CERS4: variants seen among roughly 807,000 people sequenced by gnomAD.
CERS4 encodes the protein LAG1 homolog, ceramide synthase 4.
CERS4 carries 65 observed loss-of-function variants against 51.8 expected under a neutral mutation model. The observed-to-expected ratio is 1.26, with a 90% CI of 1.03 to 1.54. CERS4 has a LOEUF of 1.54. Ranked by LOEUF, CERS4 falls within the 40% of genes most tolerant of loss-of-function variation. CERS4 has a pLI of 0.00. For missense variants in CERS4, 563 were observed against 500.4 expected, an observed-to-expected ratio of 1.13 and a Z score of -1.19; for synonymous variants, 228 against 208.4, an observed-to-expected ratio of 1.09 and a Z score of -0.81.
intron 9 of CERS4, 168 bp downstream of exon 9, chr19:8,257,245 GC>G (rs1969442516): frequency 1.4e-6 from 1 of 703,786 alleles, no homozygotes; most frequent in Non-Finnish European, 2.3e-6. Flanking sequence ...GGCTGATAAG[GC>G]CCCACCCCCT....
intron 2 of CERS4, chr19:8,238,542 C>T (rs1032052233): frequency 3.0e-6 from 3 of 985,352 alleles, no homozygotes; most frequent in East Asian, 1.1e-4. Context: ...GCAGAAGAGA[C>T]AGATGATTCC....
At chr19:8,255,479 A>G in intron 4 of CERS4, 128 bp from the exon 5 acceptor site, 1 of 810,762 alleles carries the variant, frequency 1.2e-6, no homozygotes, top group Non-Finnish European at 2.0e-6. Context: ...CCCTCCATAT[A>G]GACATGGTCA....
At position 8,255,704 on chromosome 19, in the gene CERS4, C is replaced by T; in HGVS notation, c.389C>T (p.Thr130Ile). ...RRRNQDRPQL[T>I]KKFCEASWRF... The stretch of plus-strand genomic sequence containing the variant: ...CGGAACCAGGATCGACCCCAGCTGA[C>T]CAAGAAGTTCTGTGAGGCCAGGTAA... The change falls in exon 5 of 12, where the codon ACC becomes ATC. Residue 130 changes from threonine (T) to isoleucine (I), a missense_variant. By Grantham distance (89) the Thr-to-Ile change is moderately conservative. Transcript: ENST00000251363. The T allele has an allele frequency of 1.2e-6, 2 of 1,613,004 alleles. No individual in the cohort carries two copies. Among genetic ancestry groups the T allele is most frequent in the South Asian group, 1.1e-5 (1 of 90,938 alleles).
chr19:8,253,810 G>A (rs891916414), intron 3 of CERS4, among the ~76,000 whole-genome samples: 2 of 152,006 alleles, frequency 1.3e-5, no homozygotes, highest in African/African-American at 2.4e-5. Flanking sequence ...GGCTGGTCTC[G>A]AACTTCTGAC....
chr19:8,250,903 A>AT, intron 2 of CERS4, 173 bp from the exon 3 acceptor site: 7 of 1,439,456 alleles, frequency 4.9e-6, no homozygotes, highest in South Asian at 3.2e-5. Context: ...GGACCAGAGG[A>AT]CAGTTCCAAA....
At chr19:8,254,062 C>A (rs926429049) in intron 3 of CERS4, among the ~76,000 whole-genome samples, 3 of 152,030 alleles carry the variant, frequency 2.0e-5, no homozygotes, top group Non-Finnish European at 4.4e-5. Context: ...TGGCTCACCG[C>A]TGGTAATCCC....
At position 8,217,266 on chromosome 19, in the gene CERS4, C is replaced by T. The variant is rs553940170; in HGVS notation, c.-2+6404C>T. On this transcript the variant is annotated intron_variant, in intron 2 of 11. Transcript: ENST00000251363. ...ACTTGTTTACTGCCCTCCCAGAGAC[C>T]CCTCATTCAGTGGGGAGACAGACGT... Among the ~76,000 whole-genome samples, 8 of 152,136 alleles carry T rather than the reference C, an allele frequency of 5.3e-5. No homozygotes were observed. In the East Asian group the frequency reaches 1.5e-3, roughly 29 times the overall value.
At chr19:8,257,833 C>T (rs763565440) in intron 9 of CERS4, 46 bp from the exon 10 acceptor site, 17 of 1,483,228 alleles carry the variant, frequency 1.1e-5, no homozygotes, top group Non-Finnish European at 1.5e-5. Context: ...CTCTTTGAGA[C>T]CAGGGCCCTG....
intron 2 of CERS4, among the ~76,000 whole-genome samples, chr19:8,219,026 G>A (rs763537699): frequency 1.3e-5 from 2 of 152,108 alleles, no homozygotes; most frequent in Admixed American, 6.6e-5. Flanking sequence ...GGCCAACGTG[G>A]TAAAACCCCA....
rs566039662 is a variant in CERS4 at position 8,233,883 on chromosome 19, G to T, written c.-1-17193G>T. 5.3e-4 allele frequency among the ~76,000 whole-genome samples: 80 copies of T among 152,148 alleles called. 2 individuals carry two copies. In the South Asian group the frequency reaches 0.016, roughly 31 times the overall value. On this transcript the variant is annotated intron_variant, in intron 2 of 11. Coordinates refer to ENST00000251363, the MANE Select transcript of CERS4 (RefSeq NM_024552.3). The stretch of plus-strand genomic sequence containing the variant: ...AAAAACACAAAAATTAGCTGGGCAT[G>T]GTGGCACACGCCTGTAGTCCCAGCT...
At chr19:8,215,065 A>G (rs1224693593) in intron 2 of CERS4, among the ~76,000 whole-genome samples, 1 of 151,532 alleles carries the variant, frequency 6.6e-6, no homozygotes, top group Non-Finnish European at 1.5e-5. Context: ...GGCAGCAGCC[A>G]GTGGGCAAGC....
intron 9 of CERS4, 29 bp from the exon 10 acceptor site, chr19:8,257,850 A>G: frequency 6.4e-7 from 1 of 1,568,614 alleles, no homozygotes; most frequent in Non-Finnish European, 8.8e-7. Context: ...CCTGGTCCTG[A>G]GCCCATTTCT....
intron 4 of CERS4, 44 bp downstream of exon 4, chr19:8,254,660 G>GGTGGGGC: frequency 6.5e-7 from 1 of 1,530,474 alleles, no homozygotes; most frequent in Non-Finnish European, 8.9e-7. Flanking sequence ...CTGCCCTGGG[G>GGTGGGGC]GTGGGGCGTG....
At chr19:8,235,029 A>C (rs1222766134) in intron 2 of CERS4, among the ~76,000 whole-genome samples, 1 of 109,206 alleles carries the variant, frequency 9.2e-6, no homozygotes, top group South Asian at 3.1e-4. Context: ...TTTTTTTCAG[A>C]CAGAGTTTCA....
In CERS4 at chr19:8,262,048, C is replaced by A. The variant is rs772244323; in HGVS notation, c.1124C>A (p.Thr375Asn). The stretch of plus-strand genomic sequence containing the variant: ...GCTGGAGGGCCCAGGCCAGCCCCCA[C>A]TGATGGCCCTCGGAGCCGGGTGGCC... ...GAAGGPRPAPTDGPRSRVAGR... is the reference protein window; with the variant it reads ...GAAGGPRPAPNDGPRSRVAGR... The change falls in exon 12 of 12, where the codon ACT becomes AAT. Residue 375 changes from threonine to asparagine, a missense_variant. Physicochemically the swap from Thr to Asn is moderately conservative, Grantham distance 65. Coordinates refer to ENST00000251363, the MANE Select transcript of CERS4 (RefSeq NM_024552.3). 2 of 1,546,410 alleles carry A rather than the reference C, an allele frequency of 1.3e-6. No homozygotes were observed. Among genetic ancestry groups the A allele is most frequent in the Admixed American group, 4.3e-5 (2 of 46,472 alleles).
At chr19:8,232,543 C>G (rs1349985519) in intron 2 of CERS4, among the ~76,000 whole-genome samples, 1 of 151,920 alleles carries the variant, frequency 6.6e-6, no homozygotes, top group African/African-American at 2.4e-5. Flanking sequence ...CTGCCCACCT[C>G]GGCCTCCCAA....
intron 6 of CERS4, 147 bp from the exon 7 acceptor site, chr19:8,256,089 C>T: frequency 2.0e-6 from 2 of 988,666 alleles, no homozygotes; most frequent in Non-Finnish European, 3.0e-6. Flanking sequence ...GAATGAGCCC[C>T]CCAGTCGAGA....
At chr19:8,223,944 C>A (rs1432815839) in intron 2 of CERS4, among the ~76,000 whole-genome samples, 1 of 148,490 alleles carries the variant, frequency 6.7e-6, no homozygotes, top group African/African-American at 2.5e-5. Context: ...ACTAAAAATA[C>A]AAAAAAAATT....
At chr19:8,258,369 C>A (rs1969506662) in intron 10 of CERS4, among the ~76,000 whole-genome samples, 1 of 152,092 alleles carries the variant, frequency 6.6e-6, no homozygotes, top group Non-Finnish European at 1.5e-5. Context: ...GTGAGGCAGC[C>A]ACGTGAACTG....
Sources: gnomAD v4.1 joint callset for allele counts (sites outside exome capture counted in the v4.1 genomes callset) on GRCh38, gnomAD v4.1.1 for gene constraint, MANE v1.5 for transcripts, NCBI Gene and HGNC (gene_info 2026-07-23, HGNC 2026-07-21) for gene names.